The following KANSL2 variants were observed in gnomAD, a reference collection of about 807,000 sequenced individuals.
KANSL2 encodes the protein NSL complex protein NSL2.
In KANSL2, 34 loss-of-function variants were observed where a neutral mutation model predicts 55.6. That is an observed-to-expected ratio of 0.61 (90% CI 0.46 to 0.81). The LOEUF is 0.81. Ranked by LOEUF, KANSL2 falls within the 40% of genes least tolerant of loss-of-function variation. KANSL2 has a pLI of 0.00. For missense variants in KANSL2, 502 were observed against 609.9 expected (o/e 0.82, Z 1.86); for synonymous variants, 209 against 214.3 (o/e 0.98, Z 0.22).
intron 7 of KANSL2, chr12:48,662,790 T>A (rs1344428729): frequency 6.8e-6 from 3 of 439,224 alleles, no homozygotes; most frequent in South Asian, 2.9e-5. Flanking sequence ...TATATTTTAA[T>A]AAGCTATTTG....
At chr12:48,662,491 C>A in intron 7 of KANSL2, 1 of 1,167,472 alleles carries the variant, frequency 8.6e-7, no homozygotes, top group East Asian at 7.6e-5. Context: ...GGACTCCCCC[C>A]ATCATCCTCC....
chr12:48,681,933 C>T, intron 1 of KANSL2: 1 of 703,208 alleles, frequency 1.4e-6, no homozygotes, highest in East Asian at 2.7e-5. Flanking sequence ...ACGCGGCGGC[C>T]ACGCCGCCTC....
chr12:48,655,150 G>T, intron 8 of KANSL2, 90 bp from the exon 9 acceptor site: 13 of 1,282,706 alleles, frequency 1.0e-5, no homozygotes, highest in Non-Finnish European at 1.3e-5. Context: ...GCAATACTCT[G>T]CTGTCTCCCT....
intron 7 of KANSL2, chr12:48,661,341 T>C (rs968129419): frequency 4.8e-5 from 15 of 311,778 alleles, no homozygotes; most frequent in Non-Finnish European, 5.1e-5. Context: ...TTGTTAAAGG[T>C]AGAAGAAGAA....
In KANSL2 at chr12:48,660,613, C is replaced by A. The variant is rs191655655; in HGVS notation, c.980G>T (p.Cys327Phe). 9.2e-5 allele frequency: 148 copies of A among 1,610,872 alleles called. 2 individuals are homozygous for A. The African/African-American group carries it at 1.7e-3, about 19-fold the overall frequency. ...GAAGAGAACCTGATTCGTATCCTGA[C>A]AAATATCTGTAGAAAAATGGTCAAG... ...PMTRHCLTHICQDTNQVLFKC... is the reference protein window; with the variant it reads ...PMTRHCLTHIFQDTNQVLFKC... Residue 327 changes from cysteine to phenylalanine, a missense_variant, in exon 8 of 10, where the codon TGT becomes TTT. Cys to Phe is a radical substitution (Grantham distance 205, BLOSUM62 -2). Transcript: ENST00000420613.
chr12:48,661,410 A>T (rs1463202515), intron 7 of KANSL2, among the ~76,000 whole-genome samples: 1 of 152,212 alleles, frequency 6.6e-6, no homozygotes, highest in Non-Finnish European at 1.5e-5. Context: ...AATTGAGATG[A>T]TTAGATACAA....
intron 4 of KANSL2, among the ~76,000 whole-genome samples, chr12:48,672,678 A>C (rs1939748503): frequency 6.6e-6 from 1 of 152,016 alleles, no homozygotes; most frequent in East Asian, 1.9e-4. Flanking sequence ...CTCCCGCCTC[A>C]GCCTCACAAA....
At chr12:48,666,379 T>C (rs1017128352) in intron 7 of KANSL2, among the ~76,000 whole-genome samples, 1 of 149,334 alleles carries the variant, frequency 6.7e-6, no homozygotes, top group African/African-American at 2.5e-5. Context: ...TATTGAAAAT[T>C]GACTCTACAA....
At chr12:48,662,621 G>GT in intron 7 of KANSL2, 3 of 1,287,994 alleles carry the variant, frequency 2.3e-6, no homozygotes, top group Non-Finnish European at 2.0e-6. Context: ...ACAGTAAAGA[G>GT]TTAACAGGTC....
intron 9 of KANSL2, 111 bp downstream of exon 9, chr12:48,654,830 A>T: frequency 9.4e-7 from 1 of 1,063,712 alleles, no homozygotes; most frequent in Non-Finnish European, 1.4e-6. Flanking sequence ...GCATCTTTAT[A>T]CTAGTGATGA....
intron 8 of KANSL2, among the ~76,000 whole-genome samples, chr12:48,660,019 A>T (rs1939459246): frequency 6.6e-6 from 1 of 152,186 alleles, no homozygotes; most frequent in Admixed American, 6.5e-5. Context: ...CATAATAGGT[A>T]CTGAGTTTCT....
chr12:48,654,762 A>G (rs1001115628), intron 9 of KANSL2, among the ~76,000 whole-genome samples, 179 bp downstream of exon 9: 2 of 152,234 alleles, frequency 1.3e-5, no homozygotes, highest in South Asian at 4.1e-4. Context: ...GGAGCAGAGT[A>G]GGGCATTTTT....
intron 7 of KANSL2, among the ~76,000 whole-genome samples, chr12:48,661,530 T>G (rs1325691205): frequency 1.3e-5 from 2 of 152,178 alleles, no homozygotes; most frequent in East Asian, 3.8e-4. Flanking sequence ...TTTTAAAATT[T>G]GACTTATTTT....
At chr12:48,678,680 T>C (rs1939868379) in intron 4 of KANSL2, among the ~76,000 whole-genome samples, 1 of 152,210 alleles carries the variant, frequency 6.6e-6, no homozygotes, top group Non-Finnish European at 1.5e-5. Context: ...ACATTATTCC[T>C]GAGGTTTAGG....
intron 6 of KANSL2, among the ~76,000 whole-genome samples, chr12:48,668,563 G>A (rs1173799789): frequency 6.6e-6 from 1 of 152,194 alleles, no homozygotes; most frequent in Non-Finnish European, 1.5e-5. Flanking sequence ...GCCAGACATG[G>A]TGGCACATGC....
At chr12:48,668,960 T>G in intron 6 of KANSL2, 146 bp downstream of exon 6, 1 of 527,882 alleles carries the variant, frequency 1.9e-6, no homozygotes, top group Non-Finnish European at 3.1e-6. Context: ...TGCTTGAAAC[T>G]GGGAGGCAGA....
At chr12:48,656,625 A>G in intron 8 of KANSL2, 1 of 400,658 alleles carries the variant, frequency 2.5e-6, no homozygotes, top group South Asian at 1.9e-5. Flanking sequence ...AAAAAAAAAA[A>G]AAAAATGACA....
intron 4 of KANSL2, among the ~76,000 whole-genome samples, chr12:48,678,023 CTCT>C (rs774296159): frequency 8.5e-5 from 13 of 152,164 alleles, no homozygotes; most frequent in Non-Finnish European, 1.8e-4. Flanking sequence ...GCCCAACCTC[CTCT>C]GATCTCAGAA....
chr12:48,653,753 T>C lies in KANSL2; in HGVS notation c.*291A>G, dbSNP rs1939326305. 3 of 269,638 alleles carry C rather than the reference T, an allele frequency of 1.1e-5. No individual in the cohort carries two copies. Among genetic ancestry groups the C allele is most frequent in the South Asian group, 1.3e-4 (1 of 7,674 alleles). 16.7% of individuals were successfully genotyped at this position (269,638 alleles called of 1,614,324 possible). On this transcript the variant is annotated 3_prime_UTR_variant, in exon 10 of 10. Transcript: ENST00000420613. ...ACCTAGCTACTTAAGTGGATTTCTA[T>C]CCATGACTTGGGAAATCCCATTACA...
Sources: allele counts gnomAD v4.1 joint callset (sites outside exome capture counted in the v4.1 genomes callset), GRCh38; gene constraint gnomAD v4.1.1; transcripts MANE v1.5; gene names NCBI Gene and HGNC (gene_info 2026-07-23, HGNC 2026-07-21).